Variants in SEMA3F observed in about 807,000 individuals in gnomAD.
SEMA3F encodes semaphorin-3F.
A neutral mutation model predicts 98.5 loss-of-function variants in SEMA3F; 30 were observed. The observed-to-expected ratio is 0.30, with a 90% confidence interval of 0.23 to 0.41. The LOEUF is 0.41. SEMA3F is among the 10% of genes least tolerant of loss of function. The probability of loss-of-function intolerance (pLI) is 1.00; values close to 1 mark genes in which losing one functional copy is unlikely to be tolerated. For synonymous variants in SEMA3F, 380 were observed against 444.8 expected, an observed-to-expected ratio of 0.85 and a Z score of 1.83; for missense variants, 866 against 1,119.3, an observed-to-expected ratio of 0.77 and a Z score of 3.23.
intron 2 of SEMA3F, among the ~76,000 whole-genome samples, chr3:50,168,325 C>T (rs1164315467): frequency 1.3e-5 from 2 of 152,082 alleles, no homozygotes; most frequent in African/African-American, 2.4e-5. Flanking sequence ...GGAGGAGCTA[C>T]CCCAGATCAG....
intron 18 of SEMA3F, among the ~76,000 whole-genome samples, chr3:50,187,422 CAAAAAA>C (rs901489365): frequency 1.2e-4 from 7 of 58,922 alleles, no homozygotes; most frequent in East Asian, 8.5e-4. Flanking sequence ...GACCTTGTCT[CAAAAAA>C]AAAAAAAAAA....
chr3:50,173,781 C>T lies in SEMA3F; in HGVS notation c.113-12C>T. The T allele has an allele frequency of 6.2e-7, 1 of 1,613,470 alleles. No individual in the cohort carries two copies. The highest frequency in any genetic ancestry group is 8.5e-7 in the Non-Finnish European group (1 of 1,179,628). The stretch of plus-strand genomic sequence containing the variant: ...TGAAGGTCCTAATTGGTGCCCTGCC[C>T]TCCACCCACAGAGCTGAAGGCCACA... On this transcript the variant is annotated splice_polypyrimidine_tract_variant and intron_variant, in intron 2 of 18. Coordinates refer to ENST00000002829, the MANE Select transcript of SEMA3F (RefSeq NM_004186.5).
chr3:50,186,572 G>A (rs929651609), intron 17 of SEMA3F, 41 bp from the exon 18 acceptor site: 16 of 1,569,954 alleles, frequency 1.0e-5, no homozygotes, highest in Non-Finnish European at 9.6e-6. Flanking sequence ...CAGGCTGCCC[G>A]GAGGTGATGC....
At chr3:50,179,734 G>C (rs1488166417) in intron 7 of SEMA3F, among the ~76,000 whole-genome samples, 1 of 152,210 alleles carries the variant, frequency 6.6e-6, no homozygotes, top group African/African-American at 2.4e-5. Flanking sequence ...ATCAGCACTT[G>C]CTACTTCACC....
intron 10 of SEMA3F, 74 bp from the exon 11 acceptor site, chr3:50,183,112 C>T: frequency 6.4e-7 from 1 of 1,564,732 alleles, no homozygotes; most frequent in Non-Finnish European, 8.8e-7. Context: ...GGCCCCCTCC[C>T]CTGTGCAGGA....
intron 2 of SEMA3F, chr3:50,173,531 AG>A (rs1472961794): frequency 2.1e-6 from 1 of 465,928 alleles, no homozygotes; most frequent in Non-Finnish European, 3.8e-6. Flanking sequence ...AATCCCAGCT[AG>A]TCAGGAGGCT....
At chr3:50,179,498 G>A (rs1219216367) in intron 7 of SEMA3F, among the ~76,000 whole-genome samples, 1 of 152,016 alleles carries the variant, frequency 6.6e-6, no homozygotes, top group East Asian at 1.9e-4. Flanking sequence ...GCTAATTTTT[G>A]TATTATTAGT....
Position 50,187,753 on chromosome 3 carries a change from C to G in SEMA3F, c.1996C>G (p.Arg666Gly). The change falls in exon 19 of 19, where the codon CGT becomes GGT. Residue 666 changes from arginine (R) to glycine (G), a missense_variant. Physicochemically the swap from Arg to Gly is moderately radical, Grantham distance 125. Transcript: ENST00000002829. ...FLRTEQGLLL[R>G]ALQLSDRGLY... ...GCGCACAGAGCAGGGCTTGTTGCTC[C>G]GTGCACTGCAGCTCAGCGATCGTGG... 6.2e-7 allele frequency: 1 copy of G among 1,612,500 alleles called. No individual in the cohort carries two copies.
chr3:50,174,223 G>A lies in SEMA3F; in HGVS notation c.337-8G>A. 6.2e-7 allele frequency: 1 copy of A among 1,613,658 alleles called. No homozygotes were observed. Among genetic ancestry groups the A allele is most frequent in the African/African-American group, 1.3e-5 (1 of 75,044 alleles). ...AGGGCACCTATGCAGCCTTCCCTGTGGCCCCAGGGCGAGTGTGGGAACTTC... is the reference window on the plus strand; with the variant it reads ...AGGGCACCTATGCAGCCTTCCCTGTAGCCCCAGGGCGAGTGTGGGAACTTC... On this transcript the variant is annotated splice_region_variant and splice_polypyrimidine_tract_variant and intron_variant, in intron 4 of 18. Transcript: ENST00000002829.
chr3:50,161,356 C>T (rs1559719377), intron 2 of SEMA3F, among the ~76,000 whole-genome samples: 1 of 152,258 alleles, frequency 6.6e-6, no homozygotes, highest in East Asian at 1.9e-4. Context: ...CAGGCAAGGG[C>T]AGGGTCAAGG....
intron 6 of SEMA3F, among the ~76,000 whole-genome samples, chr3:50,175,760 A>G (rs1253330098): frequency 6.6e-6 from 1 of 151,764 alleles, no homozygotes; most frequent in Admixed American, 6.6e-5. Context: ...ATGACAGAGC[A>G]TGTTTGTGGT....
At chr3:50,172,394 C>T (rs1210572276) in intron 2 of SEMA3F, among the ~76,000 whole-genome samples, 3 of 152,050 alleles carry the variant, frequency 2.0e-5, no homozygotes. Flanking sequence ...CCAAGGGGAC[C>T]CCTCGGCTCT....
chr3:50,186,406 C>CCACG, intron 17 of SEMA3F, 58 bp downstream of exon 17: 1 of 1,552,400 alleles, frequency 6.4e-7, no homozygotes, highest in Non-Finnish European at 8.9e-7. Flanking sequence ...TCCACGCAGC[C>CCACG]CACGAAGCTG....
Position 50,174,339 on chromosome 3 carries a change from C to T in SEMA3F, c.445C>T (p.Arg149Cys), listed in dbSNP as rs1575393858. The change falls in exon 5 of 19, where the codon CGC becomes TGC. Residue 149 changes from arginine (R) to cysteine (C), a missense_variant. Physicochemically the swap from Arg to Cys is radical, Grantham distance 180. Coordinates refer to ENST00000002829, the MANE Select transcript of SEMA3F (RefSeq NM_004186.5). Reference sequence around the variant, plus strand: ...CATGTGCACCTATGTGAACCGCGGACGCCGCGCCCAGGTAAGCCCCAGCCA... The same window carrying T: ...CATGTGCACCTATGTGAACCGCGGATGCCGCGCCCAGGTAAGCCCCAGCCA... ...NPMCTYVNRG[R>C]RAQATPWTQT... 6 of 1,611,808 alleles carry T rather than the reference C, an allele frequency of 3.7e-6. No homozygotes were observed. Among genetic ancestry groups the T allele is most frequent in the Non-Finnish European group, 5.1e-6 (6 of 1,179,284 alleles).
intron 1 of SEMA3F, 93 bp from the exon 2 acceptor site, chr3:50,159,482 G>A (rs776593028): frequency 4.1e-5 from 24 of 591,074 alleles, no homozygotes; most frequent in Middle Eastern, 4.1e-4. Flanking sequence ...GGGTGGAAGC[G>A]TGGAGGTACC....
At chr3:50,160,969 T>C (rs1389853811) in intron 2 of SEMA3F, among the ~76,000 whole-genome samples, 1 of 152,154 alleles carries the variant, frequency 6.6e-6, no homozygotes, top group African/African-American at 2.4e-5. Context: ...TTGTTTGGGC[T>C]GGAAAGCACC....
At chr3:50,176,727 G>A (rs1269090937) in intron 6 of SEMA3F, 41 bp from the exon 7 acceptor site, 7 of 1,439,644 alleles carry the variant, frequency 4.9e-6, no homozygotes, top group Non-Finnish European at 5.9e-6. Context: ...CCTGGCTGGG[G>A]GACTGGCCTG....
chr3:50,162,366 C>T (rs1698238872), intron 2 of SEMA3F, among the ~76,000 whole-genome samples: 2 of 152,322 alleles, frequency 1.3e-5, no homozygotes, highest in East Asian at 1.9e-4. Flanking sequence ...AGGGGGGCTC[C>T]TATGGCCCAG....
In SEMA3F at chr3:50,175,079, G is replaced by A; in HGVS notation, c.457-17G>A. On this transcript the variant is annotated splice_polypyrimidine_tract_variant and intron_variant, in intron 5 of 18. Transcript: ENST00000002829. ...CCTGCCACCCCCAGCTCTAACCCCT[G>A]TTCCTCGTCTTCTCAGGCCACACCA... is the stretch of plus-strand genomic sequence containing the variant. The A allele has an allele frequency of 5.0e-6, 8 of 1,586,920 alleles. No individual in the cohort carries two copies. The highest frequency in any genetic ancestry group is 6.9e-6 in the Non-Finnish European group (8 of 1,159,658).
Sources: allele counts gnomAD v4.1 joint callset (sites outside exome capture counted in the v4.1 genomes callset), GRCh38; gene constraint gnomAD v4.1.1; transcripts MANE v1.5; gene names NCBI Gene and HGNC (gene_info 2026-07-23, HGNC 2026-07-21).